The following MEI4 variants were observed in gnomAD, a reference collection of about 807,000 sequenced individuals.
MEI4 encodes meiosis-specific protein MEI4.
In MEI4, 27 loss-of-function variants were observed where a neutral mutation model predicts 31.4. That is an observed-to-expected ratio of 0.86 (90% confidence interval 0.63 to 1.19). The LOEUF is 1.19. MEI4 is among the 50% of genes most tolerant of loss of function. MEI4 has a pLI of 0.00. For missense variants in MEI4, 329 were observed against 398.9 expected (o/e 0.82, Z 1.49); for synonymous variants, 122 against 145.4 (o/e 0.84, Z 1.16).
intron 2 of MEI4, among the ~76,000 whole-genome samples, chr6:77,696,748 A>C (rs1464850641): frequency 6.6e-6 from 1 of 151,788 alleles, no homozygotes; most frequent in Admixed American, 6.6e-5. Context: ...TGTCTCTGCC[A>C]GGCTTTGGTA....
chr6:77,677,486 G>A (rs1252142684), intron 1 of MEI4, among the ~76,000 whole-genome samples: 1 of 152,148 alleles, frequency 6.6e-6, no homozygotes, highest in Admixed American at 6.5e-5. Flanking sequence ...CTAGTATAGT[G>A]TATCTAATGG....
chr6:77,746,062 TA>T (rs1272402502), intron 2 of MEI4, among the ~76,000 whole-genome samples: 1 of 151,894 alleles, frequency 6.6e-6, no homozygotes, highest in Non-Finnish European at 1.5e-5. Flanking sequence ...TTAAAAGAAC[TA>T]GAAAAGCAAG....
At chr6:77,884,112 T>A (rs1771567051) in intron 4 of MEI4, among the ~76,000 whole-genome samples, 1 of 152,120 alleles carries the variant, frequency 6.6e-6, no homozygotes. Flanking sequence ...TGACTAATGA[T>A]GTTGCATATT....
Position 77,796,899 on chromosome 6 carries a change from A to T in MEI4, c.769-32032A>T, listed in dbSNP as rs184517858. On this transcript the variant is annotated intron_variant, in intron 3 of 4. Coordinates refer to ENST00000684080, the MANE Select transcript of MEI4 (RefSeq NM_001322247.2). ...AGCAGAAGCAATCTTGAGAATGAAG[A>T]TCAAAGCTTACACATTTACACTCCC... Among the ~76,000 whole-genome samples, 191 of 152,322 alleles carry T rather than the reference A, an allele frequency of 1.3e-3. No individual in the cohort carries two copies. The Middle Eastern group carries it at 0.02, about 16-fold the overall frequency.
At chr6:77,818,534 T>C (rs752754908) in intron 3 of MEI4, among the ~76,000 whole-genome samples, 3 of 152,168 alleles carry the variant, frequency 2.0e-5, no homozygotes, top group Non-Finnish European at 2.9e-5. Context: ...TTTGTAAATA[T>C]ACACAAATTT....
chr6:77,748,086 C>A (rs1333324005), intron 2 of MEI4, among the ~76,000 whole-genome samples: 1 of 152,176 alleles, frequency 6.6e-6, no homozygotes, highest in Non-Finnish European at 1.5e-5. Flanking sequence ...ATTCAGTGCC[C>A]ATGGCTTTTC....
intron 3 of MEI4, among the ~76,000 whole-genome samples, chr6:77,806,499 A>G (rs2127703160): frequency 6.6e-6 from 1 of 152,292 alleles, no homozygotes; most frequent in East Asian, 1.9e-4. Flanking sequence ...CACCCTGCCA[A>G]GATTCAGGGT....
intron 2 of MEI4, among the ~76,000 whole-genome samples, chr6:77,747,093 C>T (rs1040199738): frequency 6.6e-6 from 1 of 152,076 alleles, no homozygotes; most frequent in African/African-American, 2.4e-5. Context: ...GGGCAGATCA[C>T]CTGATATCAG....
intron 4 of MEI4, among the ~76,000 whole-genome samples, chr6:77,849,704 G>A (rs187947119): frequency 2.0e-5 from 3 of 152,230 alleles, no homozygotes; most frequent in Admixed American, 6.5e-5. Flanking sequence ...AGTGCATACC[G>A]TAAAGTAGAA....
intron 2 of MEI4, among the ~76,000 whole-genome samples, chr6:77,742,564 T>C (rs1300954455): frequency 1.1e-4 from 17 of 152,240 alleles, no homozygotes; most frequent in Admixed American, 1.1e-3. Flanking sequence ...TCTCCCATTT[T>C]GTAGGTTGCC....
intron 2 of MEI4, among the ~76,000 whole-genome samples, chr6:77,740,924 G>C (rs7741909): frequency 0.3 from 45,510 of 151,836 alleles, 6,977 homozygotes; most frequent in East Asian, 0.48. Context: ...GAAGAACCTC[G>C]TCTTTACAAT....
chr6:77,881,564 G>A (rs1690783344), intron 4 of MEI4, among the ~76,000 whole-genome samples: 1 of 152,154 alleles, frequency 6.6e-6, no homozygotes, highest in African/African-American at 2.4e-5. Flanking sequence ...ATATGCTGCT[G>A]CTCTTGCATC....
At chr6:77,742,395 G>A (rs992275254) in intron 2 of MEI4, among the ~76,000 whole-genome samples, 27 of 151,992 alleles carry the variant, frequency 1.8e-4, no homozygotes, top group Non-Finnish European at 8.8e-5. Flanking sequence ...TTTTTCCTGT[G>A]TTTTTTGGCT....
chr6:77,748,982 G>C (rs1166458588), intron 2 of MEI4, among the ~76,000 whole-genome samples: 3 of 152,036 alleles, frequency 2.0e-5, no homozygotes, highest in African/African-American at 7.2e-5. Context: ...AGGAAAACAG[G>C]GTCTGGAGTG....
chr6:77,887,919 G>T (rs1205784355), intron 4 of MEI4, among the ~76,000 whole-genome samples: 1 of 151,996 alleles, frequency 6.6e-6, no homozygotes, highest in African/African-American at 2.4e-5. Context: ...TAGATCTATT[G>T]GTATTGCTTT....
chr6:77,780,007 T>C (rs1017940809), intron 3 of MEI4, among the ~76,000 whole-genome samples: 1 of 152,154 alleles, frequency 6.6e-6, no homozygotes, highest in Non-Finnish European at 1.5e-5. Flanking sequence ...TTGCAAAGAA[T>C]GGAGACTTCT....
intron 1 of MEI4, among the ~76,000 whole-genome samples, chr6:77,661,390 G>A (rs1368489043): frequency 2.0e-5 from 3 of 152,128 alleles, no homozygotes; most frequent in South Asian, 2.1e-4. Flanking sequence ...GGGAAGAAAC[G>A]ACCGCGGTGG....
At chr6:77,785,048 G>A (rs576651694) in intron 3 of MEI4, among the ~76,000 whole-genome samples, 11 of 152,118 alleles carry the variant, frequency 7.2e-5, no homozygotes, top group South Asian at 4.2e-4. Context: ...AAATTTCCCC[G>A]TCAGCTAATC....
chr6:77,679,244 A>G (rs1178984287), intron 1 of MEI4, among the ~76,000 whole-genome samples: 2 of 152,220 alleles, frequency 1.3e-5, no homozygotes, highest in Non-Finnish European at 2.9e-5. Flanking sequence ...ACATTCACTC[A>G]CCACTCCCTC....
Sources: allele counts gnomAD v4.1 joint callset (sites outside exome capture counted in the v4.1 genomes callset), GRCh38; gene constraint gnomAD v4.1.1; transcripts MANE v1.5; gene names NCBI Gene and HGNC (gene_info 2026-07-23, HGNC 2026-07-21).